SCN3A: variants seen among roughly 807,000 people sequenced by gnomAD.
SCN3A encodes sodium channel protein type 3 subunit alpha.
A neutral mutation model predicts 187.6 loss-of-function variants in SCN3A; 60 were observed. The observed-to-expected ratio is 0.32, with a 90% CI of 0.26 to 0.40. SCN3A has a LOEUF of 0.40. Ranked by LOEUF, SCN3A falls within the 10% of genes least tolerant of loss-of-function variation. SCN3A has a pLI of 1.00. For missense variants in SCN3A, 1,601 were observed against 2,428.2 expected, an observed-to-expected ratio of 0.66 and a Z score of 7.16; for synonymous variants, 788 against 829.2, an observed-to-expected ratio of 0.95 and a Z score of 0.85.
At position 165,090,474 on chromosome 2, in the gene SCN3A, G is replaced by T. The variant is rs748414391; in HGVS notation, c.5679C>A (p.Thr1893=). The change falls in exon 28 of 28, where the codon ACC becomes ACA. Residue 1893 remains threonine (T), a synonymous_variant. Coordinates refer to ENST00000283254, the MANE Select transcript of SCN3A (RefSeq NM_006922.4). The surrounding 1 kb of genome is among the most constrained non-coding windows in gnomAD (Gnocchi z 4.0). ...CCTCCTCTTGTTTACGTTTCAAAGT[G>T]GTTGTAATAGGCTCATAAGAGACTT... is the stretch of plus-strand genomic sequence containing the variant. ...PSKVSYEPIT[T]TLKRKQEEVS... 6.2e-7 allele frequency: 1 copy of T among 1,613,998 alleles called. No individual in the cohort carries two copies. The highest frequency in any genetic ancestry group is 1.1e-5 in the South Asian group (1 of 91,076).
At position 165,140,813 on chromosome 2, in the gene SCN3A, C is replaced by A. The variant is rs775176928; in HGVS notation, c.1857G>T (p.Glu619Asp). Reference protein sequence around the residue: ...DSLFVPHRHGERRNSNVSQAS... With the variant: ...DSLFVPHRHGDRRNSNVSQAS... ...CCTGACTAACGTTACTGTTGCGTCG[C>A]TCTCCATGTCTGTGCGGCACAAACA... The change falls in exon 13 of 28, where the codon GAG (glutamate) becomes GAT (aspartate). Residue 619 changes from glutamate to aspartate, a missense_variant. This residue lies in a region of SCN3A where 376 missense variants were observed against 476.0 expected (regional missense o/e 0.79). Transcript: ENST00000283254. This position sits in a 1 kb window ranked among gnomAD's most constrained non-coding sequence, Gnocchi z 4.2. The A allele has an allele frequency of 3.7e-6, 6 of 1,614,172 alleles. No individual in the cohort carries two copies. The East Asian group carries it at 1.3e-4, about 36-fold the overall frequency.
At chr2:165,180,587 G>A (rs1221035049) in intron 2 of SCN3A, among the ~76,000 whole-genome samples, 1 of 151,938 alleles carries the variant, frequency 6.6e-6, no homozygotes, top group African/African-American at 2.4e-5. Flanking sequence ...GGGTGGGGGT[G>A]GCATGTGTGC....
intron 15 of SCN3A, among the ~76,000 whole-genome samples, chr2:165,133,559 G>A (rs1357023576): frequency 6.6e-6 from 1 of 151,402 alleles, no homozygotes; most frequent in East Asian, 1.9e-4. Context: ...GGCCAGGCCA[G>A]TTTCGAACTC....
At position 165,160,863 on chromosome 2, in the gene SCN3A, T is replaced by C. The variant is rs376715696; in HGVS notation, c.1031+1445A>G. 2.6e-5 allele frequency among the ~76,000 whole-genome samples: 4 copies of C among 152,146 alleles called. No individual in the cohort carries two copies. In the East Asian group the frequency reaches 7.8e-4, roughly 30 times the overall value. ...GCCATGTTGGCCAGGCTGGTCTAGA[T>C]CTCCTGGCCTCAAGTAATCCCCCTG... is the stretch of plus-strand genomic sequence containing the variant. On this transcript the variant is annotated intron_variant, in intron 9 of 27. Transcript: ENST00000283254.
intron 1 of SCN3A, among the ~76,000 whole-genome samples, chr2:165,191,504 C>A (rs1691610613): frequency 6.6e-6 from 1 of 152,130 alleles, no homozygotes; most frequent in Non-Finnish European, 1.5e-5. Flanking sequence ...TGTAGCCTAA[C>A]TGGCTTCCAG....
intron 2 of SCN3A, among the ~76,000 whole-genome samples, chr2:165,181,220 T>C (rs886692542): frequency 9.2e-5 from 14 of 152,210 alleles, no homozygotes; most frequent in African/African-American, 3.4e-4. Flanking sequence ...CACGCATATG[T>C]GTGGCTGGAA....
chr2:165,184,412 A>G (rs1691087948), intron 2 of SCN3A, among the ~76,000 whole-genome samples: 2 of 147,806 alleles, frequency 1.4e-5, no homozygotes, highest in Admixed American at 6.8e-5. Flanking sequence ...TTTCCACTTT[A>G]GAGATCAAGA....
At chr2:165,098,132 C>T (rs1479563814) in intron 22 of SCN3A, among the ~76,000 whole-genome samples, 2 of 152,048 alleles carry the variant, frequency 1.3e-5, no homozygotes, top group African/African-American at 2.4e-5. Flanking sequence ...GATAAGTTCC[C>T]ATTATTATTA....
intron 12 of SCN3A, among the ~76,000 whole-genome samples, chr2:165,144,175 T>C (rs1216680269): frequency 6.6e-6 from 1 of 152,194 alleles, no homozygotes; most frequent in Admixed American, 6.5e-5. Flanking sequence ...CCTTCACTGA[T>C]TCTCTTTCTA....
chr2:165,116,155 A>C (rs1317036706), intron 18 of SCN3A, among the ~76,000 whole-genome samples: 1 of 152,252 alleles, frequency 6.6e-6, no homozygotes, highest in Admixed American at 6.5e-5. Flanking sequence ...TTTTCTTCTT[A>C]TTTTACTAGA....
In SCN3A at chr2:165,127,980, A is replaced by G. The variant is rs1687095052; in HGVS notation, c.3044T>C (p.Ile1015Thr). 1.9e-6 allele frequency: 3 copies of G among 1,614,080 alleles called. No individual in the cohort carries two copies. Among genetic ancestry groups the G allele is most frequent in the South Asian group, 1.1e-5 (1 of 91,082 alleles). The stretch of plus-strand genomic sequence containing the variant: ...CCGCATCTTATTTTTCACATAATCA[A>G]TTCCCTTTTGCATTCTTCCTACTGC... ...QIAVGRMQKGIDYVKNKMREC... is the reference protein window; with the variant it reads ...QIAVGRMQKGTDYVKNKMREC... The change falls in exon 18 of 28, where the codon ATT becomes ACT. Residue 1015 changes from isoleucine to threonine, a missense_variant. Transcript: ENST00000283254.
intron 12 of SCN3A, 87 bp downstream of exon 12, chr2:165,146,652 A>T: frequency 7.2e-7 from 1 of 1,384,874 alleles, no homozygotes; most frequent in South Asian, 1.2e-5. Context: ...GAAGTCAGAT[A>T]GTACAAAAGT....
intron 21 of SCN3A, among the ~76,000 whole-genome samples, chr2:165,102,687 T>C (rs1685664751): frequency 6.6e-6 from 1 of 152,162 alleles, no homozygotes; most frequent in South Asian, 2.1e-4. Flanking sequence ...ACACTTATTT[T>C]AATGGACCTC....
chr2:165,180,302 C>T (rs903904010), intron 2 of SCN3A, among the ~76,000 whole-genome samples: 1 of 152,138 alleles, frequency 6.6e-6, no homozygotes, highest in Admixed American at 6.5e-5. Context: ...TGGTCACTTC[C>T]CTGGGGCTGA....
intron 4 of SCN3A, among the ~76,000 whole-genome samples, chr2:165,169,752 C>G (rs995767166): frequency 1.1e-4 from 17 of 151,842 alleles, no homozygotes; most frequent in Admixed American, 2.6e-4. Context: ...AACACTGCCT[C>G]AGAAAATCAC....
intron 27 of SCN3A, 31 bp from the exon 28 acceptor site, chr2:165,091,376 A>T (rs1210388412): frequency 1.2e-6 from 2 of 1,612,878 alleles, no homozygotes; most frequent in African/African-American, 2.7e-5. Context: ...AGCTAAACAG[A>T]TAATATCTTT....
At chr2:165,138,748 A>G (rs1687816937) in intron 14 of SCN3A, among the ~76,000 whole-genome samples, 1 of 152,176 alleles carries the variant, frequency 6.6e-6, no homozygotes, top group African/African-American at 2.4e-5. Flanking sequence ...ATGTGACTGT[A>G]TATCTAATAC....
At position 165,092,833 on chromosome 2, in the gene SCN3A, G is replaced by C; in HGVS notation, c.4537-309C>G. 1 of 301,878 alleles carries C rather than the reference G, an allele frequency of 3.3e-6. No individual in the cohort carries two copies. The highest frequency in any genetic ancestry group is 6.3e-6 in the Non-Finnish European group (1 of 159,784). The allele number at this position is 301,878 out of a possible 1,614,324, so 18.7% of individuals were successfully genotyped here. A position where few individuals can be genotyped will look rare whatever the true frequency, so the allele number is the denominator to read the frequency against. The stretch of plus-strand genomic sequence containing the variant: ...GCACTTTAGGAGGCTGAGACTGGAG[G>C]CTCTCTTGAGGCCAAGAGTTCCAGA... On this transcript the variant is annotated intron_variant, in intron 26 of 27. Coordinates refer to ENST00000283254, the MANE Select transcript of SCN3A (RefSeq NM_006922.4). This position sits in a 1 kb window ranked among gnomAD's most constrained non-coding sequence, Gnocchi z 4.2.
At chr2:165,144,014 A>G (rs921187836) in intron 12 of SCN3A, among the ~76,000 whole-genome samples, 1 of 152,214 alleles carries the variant, frequency 6.6e-6, no homozygotes, top group East Asian at 1.9e-4. Flanking sequence ...TAAAAATAAA[A>G]TAATGTAATA....
Sources: allele counts gnomAD v4.1 joint callset (sites outside exome capture counted in the v4.1 genomes callset), GRCh38; gene constraint gnomAD v4.1.1; regional missense constraint gnomAD v4.1.1; non-coding constraint Gnocchi (gnomAD v3.1); transcripts MANE v1.5; gene names NCBI Gene and HGNC (gene_info 2026-07-23, HGNC 2026-07-21).